The following MSRB3 variants were observed in gnomAD, a reference collection of about 807,000 sequenced individuals.
MSRB3 encodes methionine sulfoxide reductase B3, also known as methionine-R-sulfoxide reductase B3.
MSRB3 carries 13 observed loss-of-function variants against 21.0 expected under a neutral mutation model. The observed-to-expected ratio is 0.62, with a 90% CI of 0.40 to 0.98. The LOEUF (loss-of-function observed/expected upper bound fraction) is 0.98. Among genes scored for constraint, MSRB3 ranks in the 50% least tolerant of loss-of-function variants. The probability of loss-of-function intolerance (pLI) is 0.00; values close to 1 mark genes in which losing one functional copy is unlikely to be tolerated. For missense variants in MSRB3, 199 were observed against 230.3 expected (o/e 0.86, Z 0.88); for synonymous variants, 87 against 88.6 (o/e 0.98, Z 0.10).
At chr12:65,338,062 C>A (rs1180897282) in intron 4 of MSRB3, among the ~76,000 whole-genome samples, 1 of 152,122 alleles carries the variant, frequency 6.6e-6, no homozygotes, top group Admixed American at 6.5e-5. Flanking sequence ...ACAGTTTAAT[C>A]CTGATAAGAA....
chr12:65,288,045 C>G (rs1304138369), intron 1 of MSRB3, among the ~76,000 whole-genome samples: 1 of 152,052 alleles, frequency 6.6e-6, no homozygotes, highest in Non-Finnish European at 1.5e-5. Context: ...TGGCTCTTGC[C>G]TGTAATCTCA....
chr12:65,345,905 C>T (rs537165042), intron 4 of MSRB3, among the ~76,000 whole-genome samples: 10 of 152,198 alleles, frequency 6.6e-5, no homozygotes, highest in South Asian at 2.1e-4. Flanking sequence ...CTACAAAGGA[C>T]GTGAAATCAT....
At chr12:65,362,661 A>G (rs903520798) in intron 4 of MSRB3, among the ~76,000 whole-genome samples, 14 of 152,170 alleles carry the variant, frequency 9.2e-5, no homozygotes, top group Non-Finnish European at 1.9e-4. Flanking sequence ...ATGAAATGAA[A>G]GGGATTTAAT....
chr12:65,396,289 C>G (rs1309946093), intron 5 of MSRB3, among the ~76,000 whole-genome samples: 1 of 152,160 alleles, frequency 6.6e-6, no homozygotes, highest in Non-Finnish European at 1.5e-5. Context: ...TGTTTAATCT[C>G]CAAGCATTTT....
intron 1 of MSRB3, among the ~76,000 whole-genome samples, chr12:65,294,340 C>T (rs891347315): frequency 2.0e-5 from 3 of 152,232 alleles, no homozygotes; most frequent in African/African-American, 7.2e-5. Context: ...CACTAACTTG[C>T]AGTAACAATA....
chr12:65,431,290 G>GT (rs1881864782), intron 5 of MSRB3, among the ~76,000 whole-genome samples: 1 of 151,950 alleles, frequency 6.6e-6, no homozygotes, highest in Non-Finnish European at 1.5e-5. Context: ...CATTGCTTTA[G>GT]TCTTAGTAAT....
intron 5 of MSRB3, among the ~76,000 whole-genome samples, chr12:65,435,076 A>G (rs1322679608): frequency 1.3e-5 from 2 of 151,928 alleles, no homozygotes; most frequent in African/African-American, 4.8e-5. Context: ...CTAAGTGGAT[A>G]TAGGAGTACC....
chr12:65,458,678 C>T (rs1023229610), intron 6 of MSRB3, among the ~76,000 whole-genome samples: 1 of 152,196 alleles, frequency 6.6e-6, no homozygotes, highest in African/African-American at 2.4e-5. Context: ...TGTTATTCCA[C>T]CTACTGAATT....
chr12:65,350,940 C>T (rs1309950072), intron 4 of MSRB3, among the ~76,000 whole-genome samples: 1 of 148,076 alleles, frequency 6.8e-6, no homozygotes, highest in African/African-American at 2.6e-5. Flanking sequence ...AGGAATTGAA[C>T]TCAGCTCTGC....
At chr12:65,433,148 G>C (rs1881963435) in intron 5 of MSRB3, among the ~76,000 whole-genome samples, 1 of 151,858 alleles carries the variant, frequency 6.6e-6, no homozygotes, top group South Asian at 2.1e-4. Context: ...TGAAAGCAGA[G>C]ACTCAAACAA....
At chr12:65,319,281 G>A (rs1413441963) in intron 2 of MSRB3, among the ~76,000 whole-genome samples, 2 of 151,922 alleles carry the variant, frequency 1.3e-5, no homozygotes, top group African/African-American at 2.4e-5. Flanking sequence ...ACTCTTACAT[G>A]AAAGACTGCA....
chr12:65,383,271 C>A (rs1343386695), intron 5 of MSRB3, among the ~76,000 whole-genome samples: 3 of 152,136 alleles, frequency 2.0e-5, no homozygotes, highest in Admixed American at 6.5e-5. Context: ...AACAAGCTAG[C>A]TGTAAAATTT....
At position 65,351,251 on chromosome 12, in the gene MSRB3, T is replaced by C. The variant is rs1319807193; in HGVS notation, c.264-17747T>C. ...GAAATGAAGGCAGAAATAAAGATGTTCTTTGAAACCAACGAGAACAAAGAC... is the reference window on the plus strand; with the variant it reads ...GAAATGAAGGCAGAAATAAAGATGTCCTTTGAAACCAACGAGAACAAAGAC... On this transcript the variant is annotated intron_variant, in intron 4 of 6. Transcript: ENST00000308259. Among the ~76,000 whole-genome samples the C allele has an allele frequency of 2.5e-4, 38 of 150,986 alleles. 1 individual carries two copies. The East Asian group carries it at 7.4e-3, about 29-fold the overall frequency.
chr12:65,370,271 T>C (rs1184375169), intron 5 of MSRB3, among the ~76,000 whole-genome samples: 1 of 152,204 alleles, frequency 6.6e-6, no homozygotes, highest in East Asian at 1.9e-4. Flanking sequence ...GAAAAATCTT[T>C]TTCATTTTTT....
chr12:65,402,119 G>A (rs1880160176), intron 5 of MSRB3, among the ~76,000 whole-genome samples: 2 of 152,124 alleles, frequency 1.3e-5, no homozygotes, highest in African/African-American at 2.4e-5. Context: ...GAGTATCTTT[G>A]TGGTGTTCTC....
At chr12:65,365,983 G>C (rs1439900614) in intron 4 of MSRB3, among the ~76,000 whole-genome samples, 1 of 152,044 alleles carries the variant, frequency 6.6e-6, no homozygotes, top group Non-Finnish European at 1.5e-5. Flanking sequence ...GGGGAGGGGT[G>C]CTTTCATTTC....
At chr12:65,341,026 C>A (rs1371068509) in intron 4 of MSRB3, among the ~76,000 whole-genome samples, 2 of 151,876 alleles carry the variant, frequency 1.3e-5, no homozygotes, top group African/African-American at 4.8e-5. Context: ...GTAAAGTACT[C>A]CTAAAATCAA....
intron 5 of MSRB3, among the ~76,000 whole-genome samples, chr12:65,414,966 G>A (rs1880897354): frequency 6.6e-6 from 1 of 152,128 alleles, no homozygotes; most frequent in African/African-American, 2.4e-5. Flanking sequence ...GTTTAGAAGA[G>A]AAAATTAGAG....
chr12:65,446,106 G>A (rs991530545), intron 5 of MSRB3, among the ~76,000 whole-genome samples: 4 of 152,202 alleles, frequency 2.6e-5, no homozygotes, highest in African/African-American at 9.7e-5. Context: ...TTGGTTTGAA[G>A]TAATGAAATC....
Sources: gnomAD v4.1 joint callset for allele counts (sites outside exome capture counted in the v4.1 genomes callset) on GRCh38, gnomAD v4.1.1 for gene constraint, MANE v1.5 for transcripts, NCBI Gene and HGNC (gene_info 2026-07-23, HGNC 2026-07-21) for gene names.